Variants in GNPAT observed in about 807,000 individuals in gnomAD.
The protein encoded by GNPAT is glyceronephosphate O-acyltransferase.
In GNPAT, 30 loss-of-function variants were observed where a neutral mutation model predicts 78.4. The observed-to-expected ratio is 0.38, with a 90% CI of 0.29 to 0.52. The LOEUF (loss-of-function observed/expected upper bound fraction) is 0.52. Among genes scored for constraint, GNPAT ranks in the 20% least tolerant of loss-of-function variants. The pLI is 0.84. For synonymous variants in GNPAT, 271 were observed against 281.1 expected, an observed-to-expected ratio of 0.96 and a Z score of 0.36; for missense variants, 714 against 812.2, an observed-to-expected ratio of 0.88 and a Z score of 1.47.
intron 12 of GNPAT, chr1:231,274,875 T>A (rs1460062800): frequency 2.6e-5 from 8 of 305,112 alleles, no homozygotes; most frequent in Non-Finnish European, 4.4e-5. Context: ...TTAGGTGTAT[T>A]TAGAGAAAAA....
intron 2 of GNPAT, among the ~76,000 whole-genome samples, chr1:231,253,544 T>C (rs1684960192): frequency 6.6e-6 from 1 of 152,244 alleles, no homozygotes; most frequent in African/African-American, 2.4e-5. Context: ...CTCTGTTTTC[T>C]GGATTTGGAC....
intron 2 of GNPAT, among the ~76,000 whole-genome samples, chr1:231,255,494 G>T (rs1195844428): frequency 1.3e-5 from 2 of 152,146 alleles, no homozygotes; most frequent in Non-Finnish European, 2.9e-5. Context: ...CATGATCATA[G>T]CTCACTGTAA....
At position 231,268,609 on chromosome 1, in the gene GNPAT, C is replaced by CAA. The variant is rs376264408; in HGVS notation, c.1279+721_1279+722dup. Among the ~76,000 whole-genome samples, 225 of 108,538 alleles carry CAA rather than the reference C, an allele frequency of 2.1e-3. 2 individuals are homozygous for CAA. Among genetic ancestry groups the CAA allele is most frequent in the Admixed American group, 2.6e-3 (27 of 10,556 alleles). The allele number at this position is 108,538 out of a possible 152,430, so 71.2% of individuals were successfully genotyped here. ...CAGTAACATAGTGAGACCCCATCTC[C>CAA]AAAAAAAAAAAAAAAAGGCCGGGCG... On this transcript the variant is annotated intron_variant, in intron 9 of 15. Coordinates refer to ENST00000366647, the MANE Select transcript of GNPAT (RefSeq NM_014236.4).
At chr1:231,241,925 A>G (rs1203403976) in intron 1 of GNPAT, among the ~76,000 whole-genome samples, 2 of 152,252 alleles carry the variant, frequency 1.3e-5, no homozygotes, top group Admixed American at 1.3e-4. Flanking sequence ...TGTATGTGGG[A>G]ATAGAGTTTT....
intron 12 of GNPAT, among the ~76,000 whole-genome samples, 156 bp downstream of exon 12, chr1:231,274,218 C>T (rs890979303): frequency 7.9e-5 from 12 of 152,204 alleles, no homozygotes; most frequent in Non-Finnish European, 1.5e-4. Context: ...GATTTCACCT[C>T]ACCAGTGAGA....
chr1:231,260,414 C>G (rs192356778), intron 2 of GNPAT, 93 bp from the exon 3 acceptor site: 2 of 835,028 alleles, frequency 2.4e-6, no homozygotes, highest in East Asian at 4.8e-5. Context: ...GAAGATTAAT[C>G]CATTTGGAAC....
intron 2 of GNPAT, among the ~76,000 whole-genome samples, chr1:231,258,622 A>ATTTTTTTTTTTTTTT: frequency 1.4e-5 from 1 of 73,762 alleles, no homozygotes; most frequent in Non-Finnish European, 2.4e-5. Flanking sequence ...TTTTAATGCA[A>ATTTTTTTTTTTTTTT]TTTTTTTTTT....
At chr1:231,245,898 G>A (rs1684733900) in intron 1 of GNPAT, among the ~76,000 whole-genome samples, 1 of 152,116 alleles carries the variant, frequency 6.6e-6, no homozygotes, top group African/African-American at 2.4e-5. Context: ...GAACCCGGGA[G>A]GTGGAAGTTG....
At chr1:231,264,458 A>G (rs1216569239) in intron 4 of GNPAT, among the ~76,000 whole-genome samples, 2 of 152,190 alleles carry the variant, frequency 1.3e-5, no homozygotes, top group African/African-American at 4.8e-5. Flanking sequence ...AAGGCATATA[A>G]GTTGTTTATC....
At chr1:231,250,080 TTTATTA>T (rs140643889) in intron 1 of GNPAT, among the ~76,000 whole-genome samples, 2,713 of 144,734 alleles carry the variant, frequency 0.019, 50 homozygotes, top group African/African-American at 0.037. Context: ...ACTGTACCTC[TTTATTA>T]TTATTATTAT....
rs556155659 is a variant in GNPAT at position 231,251,576 on chromosome 1, A to G, written c.261+433A>G. Among the ~76,000 whole-genome samples, 10 of 152,332 alleles carry G rather than the reference A, an allele frequency of 6.6e-5. No homozygotes were observed. The South Asian group carries it at 1.0e-3, about 16-fold the overall frequency. The stretch of plus-strand genomic sequence containing the variant: ...ATTCCTGTGGTTTTCAAACCTCCAC[A>G]TTAGCATTACCCAGGGAGCTTTTCA... On this transcript the variant is annotated intron_variant, in intron 2 of 15. Coordinates refer to ENST00000366647, the MANE Select transcript of GNPAT (RefSeq NM_014236.4).
intron 11 of GNPAT, 143 bp from the exon 12 acceptor site, chr1:231,273,779 G>A (rs1011569602): frequency 1.6e-5 from 11 of 698,048 alleles, no homozygotes; most frequent in Middle Eastern, 3.8e-4. Context: ...GAAATAGCTG[G>A]TATTCTGTTG....
At chr1:231,246,148 A>T (rs1187573488) in intron 1 of GNPAT, among the ~76,000 whole-genome samples, 3 of 152,116 alleles carry the variant, frequency 2.0e-5, no homozygotes, top group African/African-American at 7.2e-5. Context: ...ACTGTGTGCT[A>T]CTGCTCATTT....
chr1:231,267,782 G>A lies in GNPAT; in HGVS notation c.1158G>A (p.Trp386Ter), dbSNP rs1283169932. Reference sequence around the variant, plus strand: ...TTGAAAACATGGTTTTGAGCCCCTGGACCCTAATAGTTGCTGTTCTGCTTC... The same window carrying A: ...TTGAAAACATGGTTTTGAGCCCCTGAACCCTAATAGTTGCTGTTCTGCTTC... ...LQIENMVLSP[W>*]TLIVAVLLQN... Residue 386 changes from tryptophan to a stop codon, truncating the protein, a stop_gained, in exon 9 of 16, where the codon TGG becomes TGA. Coordinates refer to ENST00000366647, the MANE Select transcript of GNPAT (RefSeq NM_014236.4). LOFTEE classifies it high-confidence loss of function. The A allele has an allele frequency of 1.9e-6, 3 of 1,613,150 alleles. No homozygotes were observed. The highest frequency in any genetic ancestry group is 2.5e-6 in the Non-Finnish European group (3 of 1,179,228).
At chr1:231,252,532 AGCCTGGGGCTTG>A (rs1684926244) in intron 2 of GNPAT, among the ~76,000 whole-genome samples, 1 of 152,182 alleles carries the variant, frequency 6.6e-6, no homozygotes, top group African/African-American at 2.4e-5. Flanking sequence ...AGGTGTTGCT[AGCCTGGGGCTTG>A]GTCCCGCCCA....
chr1:231,263,574 C>T (rs1205915097), intron 4 of GNPAT, among the ~76,000 whole-genome samples: 3 of 152,156 alleles, frequency 2.0e-5, no homozygotes, highest in African/African-American at 7.2e-5. Context: ...CTGCTCAAGA[C>T]CCTGCTTTCC....
chr1:231,259,652 A>AG (rs1421563280), intron 2 of GNPAT, among the ~76,000 whole-genome samples: 55 of 151,936 alleles, frequency 3.6e-4, no homozygotes, highest in African/African-American at 1.2e-3. Context: ...CGTCTCAAAA[A>AG]AAAAAAAAAA....
chr1:231,265,824 C>A, intron 6 of GNPAT, 37 bp downstream of exon 6: 1 of 1,271,454 alleles, frequency 7.9e-7, no homozygotes, highest in South Asian at 1.2e-5. Flanking sequence ...AATACAAACC[C>A]AAAGACATCA....
chr1:231,270,931 C>T lies in GNPAT; in HGVS notation c.1453C>T (p.Leu485=), dbSNP rs370837823. Residue 485 remains leucine (L), a synonymous_variant, in exon 10 of 16, where the codon CTG becomes TTG. Coordinates refer to ENST00000366647, the MANE Select transcript of GNPAT (RefSeq NM_014236.4). Reference sequence around the variant, plus strand: ...CATGTGCTCAGCTTATAGGAACCAGCTGCTCAACATTTTTGTGCGCCCATC... The same window carrying T: ...CATGTGCTCAGCTTATAGGAACCAGTTGCTCAACATTTTTGTGCGCCCATC... The part of the protein sequence containing the change: ...LLMCSAYRNQ[L]LNIFVRPSLV... 160 of 1,614,024 alleles carry T rather than the reference C, an allele frequency of 9.9e-5. No individual in the cohort carries two copies. The highest frequency in any genetic ancestry group is 8.7e-4 in the South Asian group (79 of 91,074).
Sources: allele counts gnomAD v4.1 joint callset (sites outside exome capture counted in the v4.1 genomes callset), GRCh38; gene constraint gnomAD v4.1.1; transcripts MANE v1.5; gene names NCBI Gene and HGNC (gene_info 2026-07-23, HGNC 2026-07-21).